Variants in DOCK3 observed in about 807,000 individuals in gnomAD.
DOCK3 encodes the protein dedicator of cytokinesis protein 3.
A neutral mutation model predicts 265.6 loss-of-function variants in DOCK3; 60 were observed. The observed-to-expected ratio is 0.23, with a 90% CI of 0.18 to 0.28. DOCK3 has a LOEUF of 0.28. DOCK3 is among the 10% of genes least tolerant of loss of function. The pLI, the probability that DOCK3 is intolerant of heterozygous loss-of-function variation, is 1.00. For synonymous variants in DOCK3, 881 were observed against 938.0 expected (o/e 0.94, Z 1.11); for missense variants, 1,981 against 2,594.3 (o/e 0.76, Z 5.14).
intron 2 of DOCK3, among the ~76,000 whole-genome samples, chr3:50,785,183 T>G (rs1559635024): frequency 6.6e-6 from 1 of 152,158 alleles, no homozygotes; most frequent in Non-Finnish European, 1.5e-5. Context: ...TTCTGAAACT[T>G]TTCTGAGTTT....
intron 1 of DOCK3, among the ~76,000 whole-genome samples, chr3:50,682,811 C>T (rs894036562): frequency 2.0e-5 from 3 of 152,286 alleles, no homozygotes; most frequent in Admixed American, 2.0e-4. Context: ...TGGTGGCGCA[C>T]GCCTGTAATT....
intron 12 of DOCK3, among the ~76,000 whole-genome samples, chr3:51,169,640 G>C (rs1427152452): frequency 6.6e-6 from 1 of 151,828 alleles, no homozygotes. Flanking sequence ...TTGGGTACTA[G>C]GCCTAGTACC....
chr3:51,181,154 A>G (rs2087268067), intron 12 of DOCK3, among the ~76,000 whole-genome samples: 1 of 152,180 alleles, frequency 6.6e-6, no homozygotes, highest in Non-Finnish European at 1.5e-5. Context: ...TTTTTAAATT[A>G]TACTTTAAGT....
At chr3:50,742,073 C>T (rs1270166316) in intron 1 of DOCK3, among the ~76,000 whole-genome samples, 1 of 152,186 alleles carries the variant, frequency 6.6e-6, no homozygotes, top group Non-Finnish European at 1.5e-5. Context: ...TAAATGTCTT[C>T]TCTTGAGAAG....
At chr3:50,999,128 A>G (rs1413290996) in intron 5 of DOCK3, among the ~76,000 whole-genome samples, 1 of 152,258 alleles carries the variant, frequency 6.6e-6, no homozygotes, top group East Asian at 1.9e-4. Context: ...TTACTGCTAT[A>G]AAACCGTAGA....
At chr3:51,037,752 C>T (rs961925383) in intron 5 of DOCK3, among the ~76,000 whole-genome samples, 1 of 151,986 alleles carries the variant, frequency 6.6e-6, no homozygotes, top group South Asian at 2.1e-4. Context: ...TTGTGTTATG[C>T]CTTAGAAGAC....
chr3:50,820,322 G>A (rs1405094840), intron 2 of DOCK3, among the ~76,000 whole-genome samples: 1 of 152,150 alleles, frequency 6.6e-6, no homozygotes, highest in Non-Finnish European at 1.5e-5. Context: ...AAGTAGGAGC[G>A]ATCATGTATC....
chr3:51,033,487 C>G (rs2080134730), intron 5 of DOCK3, among the ~76,000 whole-genome samples: 1 of 152,116 alleles, frequency 6.6e-6, no homozygotes, highest in African/African-American at 2.4e-5. Context: ...CATGTTTTAT[C>G]TCCTGTTAAC....
At chr3:50,767,662 A>G (rs968670593) in intron 1 of DOCK3, among the ~76,000 whole-genome samples, 4 of 152,260 alleles carry the variant, frequency 2.6e-5, no homozygotes, top group Admixed American at 6.5e-5. Flanking sequence ...GAAGAAAGTC[A>G]TTGGTAGCTT....
intron 14 of DOCK3, among the ~76,000 whole-genome samples, chr3:51,220,514 C>T (rs1029954348): frequency 5.3e-5 from 8 of 151,174 alleles, no homozygotes; most frequent in South Asian, 2.1e-4. Flanking sequence ...AAAATTAGCT[C>T]GGCATGGTGG....
chr3:51,143,470 A>C (rs548747650), intron 9 of DOCK3, among the ~76,000 whole-genome samples: 108 of 151,792 alleles, frequency 7.1e-4, no homozygotes, highest in African/African-American at 2.4e-3. Flanking sequence ...GGGTTTCACT[A>C]TGTTGGCCAG....
intron 10 of DOCK3, among the ~76,000 whole-genome samples, chr3:51,155,212 A>G (rs1208715231): frequency 6.6e-6 from 1 of 151,234 alleles, no homozygotes; most frequent in Non-Finnish European, 1.5e-5. Context: ...GCCTCAAACA[A>G]CCCTCCCACC....
At chr3:51,338,317 C>G (rs2084999938) in intron 35 of DOCK3, 42 bp from the exon 36 acceptor site, 2 of 1,549,186 alleles carry the variant, frequency 1.3e-6, no homozygotes, top group Non-Finnish European at 1.7e-6. Context: ...TGTCTCAAGG[C>G]CCCACTTCAT....
rs183106444 is a variant in DOCK3, at chr3:51,132,230, A to G, written c.747-14319A>G. 1.6e-3 allele frequency among the ~76,000 whole-genome samples: 238 copies of G among 152,216 alleles called. 1 individual carries two copies. Among genetic ancestry groups the G allele is most frequent in the Admixed American group, 4.1e-3 (62 of 15,280 alleles). On this transcript the variant is annotated intron_variant, in intron 9 of 52. Transcript: ENST00000266037. ...GGCCCAAATCAATAAATTCAGCCTGACCCAACTCTGTGTTTCTTCCACCAT... is the reference window on the plus strand; with the variant it reads ...GGCCCAAATCAATAAATTCAGCCTGGCCCAACTCTGTGTTTCTTCCACCAT...
rs1222817867 is a variant in DOCK3 at position 50,768,366 on chromosome 3, C to CA, written c.38-10302dup. 3.3e-5 allele frequency among the ~76,000 whole-genome samples: 5 copies of CA among 151,810 alleles called. No individual in the cohort carries two copies. In the East Asian group the frequency reaches 5.8e-4, roughly 18 times the overall value. ...TTGCCAAAGCCTGGCAGAGACACAA[C>CA]AAAAAAAGAGAATTTTAGACCAATA... On this transcript the variant is annotated intron_variant, in intron 1 of 52. Transcript: ENST00000266037.
At chr3:50,744,523 A>G (rs2108260945) in intron 1 of DOCK3, among the ~76,000 whole-genome samples, 1 of 151,246 alleles carries the variant, frequency 6.6e-6, no homozygotes, top group South Asian at 2.1e-4. Context: ...CAGCCTCAAC[A>G]TCCCAAGCTT....
intron 5 of DOCK3, among the ~76,000 whole-genome samples, chr3:51,007,617 T>C (rs560457400): frequency 6.6e-6 from 1 of 152,280 alleles, no homozygotes; most frequent in South Asian, 2.1e-4. Context: ...AGAAGCTCTT[T>C]AGTTTAATTA....
rs1560467733 is a variant in DOCK3 at position 51,341,405 on chromosome 3, C to G, written c.3915+20C>G. 2 of 1,612,164 alleles carry G rather than the reference C, an allele frequency of 1.2e-6. No homozygotes were observed. Among genetic ancestry groups the G allele is most frequent in the Non-Finnish European group, 1.7e-6 (2 of 1,179,122 alleles). ...GGCAAGGTATGCATCATTAGGCAAGCCCTTTAGCCCTTCAGCTTCTGCTGT... is the reference window on the plus strand; with the variant it reads ...GGCAAGGTATGCATCATTAGGCAAGGCCTTTAGCCCTTCAGCTTCTGCTGT... On this transcript the variant is annotated intron_variant, in intron 38 of 52. Transcript: ENST00000266037.
At chr3:50,996,881 C>G (rs2078306680) in intron 5 of DOCK3, among the ~76,000 whole-genome samples, 1 of 152,166 alleles carries the variant, frequency 6.6e-6, no homozygotes, top group Non-Finnish European at 1.5e-5. Context: ...TCTGACAGCA[C>G]CTCTTTTCTA....
Sources: gnomAD v4.1 joint callset for allele counts (sites outside exome capture counted in the v4.1 genomes callset) on GRCh38, gnomAD v4.1.1 for gene constraint, MANE v1.5 for transcripts, NCBI Gene and HGNC (gene_info 2026-07-23, HGNC 2026-07-21) for gene names.